The following EYS variants were observed in gnomAD, a reference collection of about 807,000 sequenced individuals.
EYS encodes the protein protein eyes shut homolog.
In EYS, 250 loss-of-function variants were observed where a neutral mutation model predicts 282.1. The observed-to-expected ratio is 0.89, with a 90% CI of 0.80 to 0.98. The LOEUF is 0.98. Ranked by LOEUF, EYS falls within the 50% of genes least tolerant of loss-of-function variation. The pLI, the probability that EYS is intolerant of heterozygous loss-of-function variation, is 0.00. For synonymous variants in EYS, 1,355 were observed against 1,282.9 expected (o/e 1.06, Z -1.20); for missense variants, 4,016 against 3,709.0 (o/e 1.08, Z -2.15).
At chr6:65,203,278 G>T (rs868507797) in intron 12 of EYS, among the ~76,000 whole-genome samples, 13 of 152,220 alleles carry the variant, frequency 8.5e-5, no homozygotes, top group Middle Eastern at 3.4e-3. Context: ...CTGGTAGGGT[G>T]AGCTGCACAA....
intron 40 of EYS, among the ~76,000 whole-genome samples, chr6:63,764,833 T>A (rs1231802288): frequency 6.6e-6 from 1 of 151,964 alleles, no homozygotes; most frequent in African/African-American, 2.4e-5. Flanking sequence ...GTTTAATATA[T>A]AATTAGTTAT....
intron 22 of EYS, among the ~76,000 whole-genome samples, chr6:64,732,104 T>C (rs1304698678): frequency 6.6e-6 from 1 of 151,892 alleles, no homozygotes; most frequent in Non-Finnish European, 1.5e-5. Context: ...AAGTGGGAGT[T>C]GAACAATGAG....
Position 63,762,532 on chromosome 6 carries a change from G to A in EYS, c.8000C>T (p.Thr2667Ile), listed in dbSNP as rs909193856. Reference protein sequence around the residue: ...DPPHHCSRGATCISLPHGYTC... With the variant: ...DPPHHCSRGAICISLPHGYTC... Reference sequence around the variant, plus strand: ...GTATCCATGAGGTAATGAAATGCAGGTTGCTCCTCTGCTACAGTGGTGTGG... The same window carrying A: ...GTATCCATGAGGTAATGAAATGCAGATTGCTCCTCTGCTACAGTGGTGTGG... The change falls in exon 41 of 43, where the codon ACC (threonine) becomes ATC (isoleucine). Residue 2667 changes from threonine to isoleucine, a missense_variant. Transcript: ENST00000503581. 3 of 1,550,410 alleles carry A rather than the reference G, an allele frequency of 1.9e-6. No homozygotes were observed. Among genetic ancestry groups the A allele is most frequent in the Non-Finnish European group, 2.6e-6 (3 of 1,146,104 alleles).
intron 8 of EYS, among the ~76,000 whole-genome samples, chr6:65,369,283 ATATTATATATATATTTATG>A (rs1765035142): frequency 8.5e-6 from 1 of 117,096 alleles, no homozygotes; most frequent in African/African-American, 2.7e-5. Context: ...ATATTTATAT[ATATTATATATATATTTATG>A]TATAATATAT....
At chr6:64,908,200 G>C (rs1767888169) in intron 16 of EYS, among the ~76,000 whole-genome samples, 1 of 152,110 alleles carries the variant, frequency 6.6e-6, no homozygotes, top group South Asian at 2.1e-4. Flanking sequence ...GCTTTTGGGG[G>C]AGAGAGCACA....
chr6:65,047,155 T>A (rs1222134614), intron 13 of EYS, among the ~76,000 whole-genome samples: 1 of 151,718 alleles, frequency 6.6e-6, no homozygotes, highest in Admixed American at 6.6e-5. Context: ...ATTTTGAGAA[T>A]AGATTAATAT....
intron 36 of EYS, among the ~76,000 whole-genome samples, chr6:63,854,953 G>A (rs1203923487): frequency 2.0e-5 from 3 of 152,088 alleles, no homozygotes; most frequent in East Asian, 1.9e-4. Context: ...TTAAAGGATC[G>A]AGATAAAAAG....
intron 22 of EYS, among the ~76,000 whole-genome samples, chr6:64,688,425 CT>C (rs1770242206): frequency 6.6e-6 from 1 of 152,034 alleles, no homozygotes; most frequent in Non-Finnish European, 1.5e-5. Context: ...AATGTTGTGT[CT>C]TTGTTCTCAT....
chr6:63,986,693 G>A (rs1767383516), intron 34 of EYS, among the ~76,000 whole-genome samples: 1 of 151,682 alleles, frequency 6.6e-6, no homozygotes, highest in African/African-American at 2.4e-5. Flanking sequence ...ACCAAATGCA[G>A]CATGATTCTC....
chr6:65,139,535 C>A (rs1004312547), intron 12 of EYS, among the ~76,000 whole-genome samples: 2 of 152,070 alleles, frequency 1.3e-5, no homozygotes, highest in Non-Finnish European at 2.9e-5. Context: ...ACCTCCACAG[C>A]ATGCAATTCA....
Position 64,007,307 on chromosome 6 carries a change from G to T in EYS, c.6726-8124C>A, listed in dbSNP as rs539472097. Among the ~76,000 whole-genome samples, 131 of 151,044 alleles carry T rather than the reference G, an allele frequency of 8.7e-4. 1 individual carries two copies. The highest frequency in any genetic ancestry group is 3.1e-3 in the African/African-American group (129 of 41,300). ...TAGTGGTGTTTGAAGTAGTCTCTGA[G>T]GTTTTTTGTTTTTCTGTGGGGTTGG... is the stretch of plus-strand genomic sequence containing the variant. On this transcript the variant is annotated intron_variant, in intron 33 of 42. Transcript: ENST00000503581.
At chr6:65,290,502 A>G (rs1434244463) in intron 12 of EYS, among the ~76,000 whole-genome samples, 1 of 151,218 alleles carries the variant, frequency 6.6e-6, no homozygotes, top group Non-Finnish European at 1.5e-5. Flanking sequence ...AAATGTGAAT[A>G]TTATAAGTAA....
intron 26 of EYS, among the ~76,000 whole-genome samples, chr6:64,546,018 C>A (rs1187986453): frequency 1.3e-5 from 2 of 152,130 alleles, no homozygotes; most frequent in Non-Finnish European, 1.5e-5. Flanking sequence ...TTGGAAAAAA[C>A]TACTTTAAAG....
intron 26 of EYS, among the ~76,000 whole-genome samples, chr6:64,512,296 C>T (rs1175870726): frequency 2.0e-5 from 3 of 151,844 alleles, no homozygotes; most frequent in South Asian, 4.1e-4. Flanking sequence ...AAAGCATCAC[C>T]AACAAATCAT....
intron 19 of EYS, 136 bp downstream of exon 19, chr6:64,886,561 G>A (rs780068851): frequency 1.9e-6 from 1 of 532,560 alleles, no homozygotes; most frequent in East Asian, 3.4e-5. Context: ...TCTTTTATAA[G>A]AGACAAATTA....
At chr6:64,339,457 A>G (rs1037193778) in intron 29 of EYS, among the ~76,000 whole-genome samples, 5 of 152,018 alleles carry the variant, frequency 3.3e-5, no homozygotes, top group Admixed American at 2.0e-4. Flanking sequence ...GTATGGTCAT[A>G]ATAAAAAAAT....
chr6:64,780,406 A>C (rs1324053453), intron 22 of EYS, among the ~76,000 whole-genome samples: 5 of 152,182 alleles, frequency 3.3e-5, no homozygotes, highest in African/African-American at 1.2e-4. Context: ...AAACGAAATA[A>C]CTCAGAAACA....
intron 28 of EYS, among the ~76,000 whole-genome samples, chr6:64,390,288 G>T (rs796167701): frequency 2.0e-5 from 3 of 152,164 alleles, no homozygotes; most frequent in Admixed American, 6.5e-5. Context: ...CAAGGAGGCC[G>T]GTCTGCCTCT....
At chr6:64,168,575 C>T (rs1206188617) in intron 31 of EYS, among the ~76,000 whole-genome samples, 2 of 152,004 alleles carry the variant, frequency 1.3e-5, no homozygotes, top group African/African-American at 4.8e-5. Flanking sequence ...ATATCCATAC[C>T]ATAGAATACT....
Sources: gnomAD v4.1 joint callset for allele counts (sites outside exome capture counted in the v4.1 genomes callset) on GRCh38, gnomAD v4.1.1 for gene constraint, MANE v1.5 for transcripts, NCBI Gene and HGNC (gene_info 2026-07-23, HGNC 2026-07-21) for gene names.